ALDH1A1: variants seen among roughly 807,000 people sequenced by gnomAD.
ALDH1A1 encodes aldehyde dehydrogenase 1 family member A1.
ALDH1A1 carries 19 observed loss-of-function variants against 62.1 expected under a neutral mutation model. The ratio of observed to expected loss-of-function variants is 0.31; its 90% CI spans 0.21 to 0.45. The LOEUF is 0.45. Ranked by LOEUF, ALDH1A1 falls within the 20% of genes least tolerant of loss-of-function variation. The pLI is 1.00. For synonymous variants in ALDH1A1, 231 were observed against 215.9 expected, an observed-to-expected ratio of 1.07 and a Z score of -0.61; for missense variants, 521 against 607.1, an observed-to-expected ratio of 0.86 and a Z score of 1.49.
At chr9:72,904,613 C>T (rs917699194) in intron 12 of ALDH1A1, among the ~76,000 whole-genome samples, 2 of 152,108 alleles carry the variant, frequency 1.3e-5, no homozygotes, top group Non-Finnish European at 2.9e-5. Context: ...ACTATAGAAT[C>T]TTAAGCATGG....
rs1246298299 is a variant in ALDH1A1 at position 72,912,148 on chromosome 9, GA to G, written c.1036-27del. 6.3e-6 allele frequency: 10 copies of G among 1,586,238 alleles called. No individual in the cohort carries two copies. The Admixed American group carries it at 9.1e-5, about 14-fold the overall frequency. ...CTATTTGAAAAATATCACATGAAAA[GA>G]AAAAAAGTAGTCACTTGTAAAGATA... On this transcript the variant is annotated intron_variant, in intron 9 of 12. Transcript: ENST00000297785.
intron 7 of ALDH1A1, among the ~76,000 whole-genome samples, chr9:72,922,781 T>A (rs918851259): frequency 1.3e-5 from 2 of 152,216 alleles, no homozygotes; most frequent in Non-Finnish European, 2.9e-5. Context: ...TTAAATGTAT[T>A]GCCATATCTT....
intron 11 of ALDH1A1, among the ~76,000 whole-genome samples, chr9:72,908,896 C>T (rs1829941523): frequency 1.3e-5 from 2 of 152,162 alleles, no homozygotes; most frequent in Admixed American, 1.3e-4. Flanking sequence ...TTCAATCTTT[C>T]AAAAATAACT....
At chr9:72,909,499 A>C in intron 11 of ALDH1A1, 103 bp downstream of exon 11, 1 of 1,163,688 alleles carries the variant, frequency 8.6e-7, no homozygotes, top group Non-Finnish European at 1.2e-6. Flanking sequence ...TTCTAGAAGG[A>C]TAGGTAATTC....
chr9:72,937,433 G>C (rs1830358817), intron 2 of ALDH1A1, among the ~76,000 whole-genome samples: 1 of 152,120 alleles, frequency 6.6e-6, no homozygotes, highest in South Asian at 2.1e-4. Context: ...CTTTAAATAA[G>C]TATAAAACCC....
Position 72,919,347 on chromosome 9 carries a change from C to A in ALDH1A1, c.748-525G>T, listed in dbSNP as rs188095069. ...CTATCCAGTCAAACTGACATATTCA[C>A]TACCTCTTGAATCTCATCCTTCTTC... On this transcript the variant is annotated intron_variant, in intron 7 of 12. Transcript: ENST00000297785. 1.9e-3 allele frequency among the ~76,000 whole-genome samples: 294 copies of A among 152,262 alleles called. 1 individual carries two copies. Among genetic ancestry groups the A allele is most frequent in the African/African-American group, 6.8e-3 (281 of 41,562 alleles).
chr9:72,912,272 T>G (rs1199539585), intron 9 of ALDH1A1, 150 bp from the exon 10 acceptor site: 8 of 635,778 alleles, frequency 1.3e-5, no homozygotes, highest in Non-Finnish European at 2.1e-5. Context: ...TTCAGATTCA[T>G]TCTTTGGATA....
rs536571989 is a variant in ALDH1A1 at position 72,950,125 on chromosome 9, G to A, written c.66+2810C>T. On this transcript the variant is annotated intron_variant, in intron 1 of 12. Coordinates refer to ENST00000297785, the MANE Select transcript of ALDH1A1 (RefSeq NM_000689.5). ...AAACTGGAAAGGATTCAGAAAAATA[G>A]GACTAGGATCACTAACGTTAAATCA... 5.3e-5 allele frequency among the ~76,000 whole-genome samples: 8 copies of A among 151,998 alleles called. No individual in the cohort carries two copies. The South Asian group carries it at 6.2e-4, about 12-fold the overall frequency.
In ALDH1A1 at chr9:72,925,537, G is replaced by A; in HGVS notation, c.580C>T (p.Pro194Ser). The A allele has an allele frequency of 6.2e-7, 1 of 1,614,028 alleles. No individual in the cohort carries two copies. Among genetic ancestry groups the A allele is most frequent in the Non-Finnish European group, 8.5e-7 (1 of 1,179,920 alleles). The change falls in exon 6 of 13, where the codon CCA (proline) becomes TCA (serine). Residue 194 changes from proline (P) to serine (S), a missense_variant. By Grantham distance (74) the Pro-to-Ser change is moderately conservative. Transcript: ENST00000297785. ...GCAGTGAGAGGAGTTTGCTCTGCTG[G>A]TTTGACAACCACTGTGTTTCCACAG... ...LSCGNTVVVKPAEQTPLTALH... is the reference protein window; with the variant it reads ...LSCGNTVVVKSAEQTPLTALH...
chr9:72,935,308 A>T (rs575781165), intron 2 of ALDH1A1, among the ~76,000 whole-genome samples: 62 of 152,184 alleles, frequency 4.1e-4, no homozygotes, highest in Non-Finnish European at 7.6e-4. Context: ...ATTTGCCACC[A>T]TCAATAACAA....
rs576674253 is a variant in ALDH1A1 at position 72,922,158 on chromosome 9, C to A, written c.747+1861G>T. Among the ~76,000 whole-genome samples the A allele has an allele frequency of 2.0e-5, 3 of 152,118 alleles. No individual in the cohort carries two copies. In the South Asian group the frequency reaches 6.2e-4, roughly 32 times the overall value. The stretch of plus-strand genomic sequence containing the variant: ...AAGAGGAAATATGGCATGTACTGAG[C>A]GCTCAGTAGGGTGATAAATGTTTTA... On this transcript the variant is annotated intron_variant, in intron 7 of 12. Transcript: ENST00000297785.
chr9:72,934,728 T>C (rs1330725276), intron 2 of ALDH1A1, among the ~76,000 whole-genome samples: 1 of 152,194 alleles, frequency 6.6e-6, no homozygotes, highest in Non-Finnish European at 1.5e-5. Flanking sequence ...CCTACTAAGC[T>C]CCAGGCACTA....
At chr9:72,927,546 T>C (rs1830227351) in intron 4 of ALDH1A1, among the ~76,000 whole-genome samples, 1 of 152,204 alleles carries the variant, frequency 6.6e-6, no homozygotes, top group Non-Finnish European at 1.5e-5. Flanking sequence ...TTGAAAATTA[T>C]CTTTATTCTC....
chr9:72,947,702 A>G (rs1830491513), intron 1 of ALDH1A1, among the ~76,000 whole-genome samples: 1 of 151,978 alleles, frequency 6.6e-6, no homozygotes, highest in Admixed American at 6.6e-5. Flanking sequence ...GGAAAGCATC[A>G]GATCCAAGAT....
intron 2 of ALDH1A1, among the ~76,000 whole-genome samples, chr9:72,933,742 G>A (rs1830313800): frequency 6.6e-6 from 1 of 152,038 alleles, no homozygotes; most frequent in East Asian, 1.9e-4. Context: ...GGTGGCAATT[G>A]TTACTGTTGT....
chr9:72,908,619 GAA>G (rs1564622952), intron 11 of ALDH1A1, among the ~76,000 whole-genome samples: 2 of 103,752 alleles, frequency 1.9e-5, no homozygotes, highest in Admixed American at 1.0e-4. Flanking sequence ...AAGAAAGAAA[GAA>G]AGAAAGAGAA....
chr9:72,912,950 T>C (rs1830010086), intron 9 of ALDH1A1, among the ~76,000 whole-genome samples: 1 of 152,168 alleles, frequency 6.6e-6, no homozygotes, highest in African/African-American at 2.4e-5. Flanking sequence ...AATAACTGGG[T>C]GACTCTTGGA....
intron 9 of ALDH1A1, among the ~76,000 whole-genome samples, chr9:72,913,932 C>T (rs879454499): frequency 2.0e-5 from 3 of 152,166 alleles, no homozygotes; most frequent in Non-Finnish European, 4.4e-5. Context: ...TTTTGTCTGG[C>T]TAATTTTGAT....
rs762664992 is a variant in ALDH1A1 at position 72,911,975 on chromosome 9, G to T, written c.1183C>A (p.Arg395Ser). 5.6e-6 allele frequency: 9 copies of T among 1,613,736 alleles called. No individual in the cohort carries two copies. In the African/African-American group the frequency reaches 1.2e-4, roughly 22 times the overall value. Residue 395 changes from arginine (R) to serine (S), a missense_variant, in exon 10 of 13, where the codon CGC becomes AGC. By Grantham distance (110) the Arg-to-Ser change is moderately radical (BLOSUM62 -1). Coordinates refer to ENST00000297785, the MANE Select transcript of ALDH1A1 (RefSeq NM_000689.5). ...CCATTTACCTCCTCTTTGGCAATGCGCATCTCATCTGTAACATTAGAGAAC... is the reference window on the plus strand; with the variant it reads ...CCATTTACCTCCTCTTTGGCAATGCTCATCTCATCTGTAACATTAGAGAAC... ...TVFSNVTDEMRIAKEEIFGPV... is the reference protein window; with the variant it reads ...TVFSNVTDEMSIAKEEIFGPV...
Sources: allele counts gnomAD v4.1 joint callset (sites outside exome capture counted in the v4.1 genomes callset), GRCh38; gene constraint gnomAD v4.1.1; transcripts MANE v1.5; gene names NCBI Gene and HGNC (gene_info 2026-07-23, HGNC 2026-07-21).